PPP2R2B: variants seen among roughly 807,000 people sequenced by gnomAD.
PPP2R2B encodes protein phosphatase 2 regulatory subunit Bbeta, also known as serine/threonine-protein phosphatase 2A 55 kDa regulatory subunit B beta isoform.
In PPP2R2B, 5 loss-of-function variants were observed where a neutral mutation model predicts 46.0. The ratio of observed to expected loss-of-function variants is 0.11; its 90% CI spans 0.06 to 0.23. The LOEUF (loss-of-function observed/expected upper bound fraction) is 0.23. Among genes scored for constraint, PPP2R2B ranks in the 10% least tolerant of loss-of-function variants. PPP2R2B has a pLI of 1.00. For synonymous variants in PPP2R2B, 215 were observed against 206.7 expected, an observed-to-expected ratio of 1.04 and a Z score of -0.34; for missense variants, 367 against 575.0, an observed-to-expected ratio of 0.64 and a Z score of 3.70.
intron 1 of PPP2R2B, among the ~76,000 whole-genome samples, chr5:146,965,711 T>C (rs115566780): frequency 0.013 from 1,969 of 152,338 alleles, 50 homozygotes; most frequent in African/African-American, 0.046. Context: ...AGTACAAATA[T>C]AATGCCCTAA....
chr5:146,872,474 C>T (rs902183994), intron 2 of PPP2R2B, among the ~76,000 whole-genome samples: 1 of 152,154 alleles, frequency 6.6e-6, no homozygotes, highest in African/African-American at 2.4e-5. Flanking sequence ...TGACACTACC[C>T]CCTTTTATTT....
At chr5:146,609,118 C>T (rs1772589961) in intron 7 of PPP2R2B, among the ~76,000 whole-genome samples, 1 of 152,024 alleles carries the variant, frequency 6.6e-6, no homozygotes, top group African/African-American at 2.4e-5. Context: ...GACAGTTCAC[C>T]ATACGAAAAT....
intron 1 of PPP2R2B, among the ~76,000 whole-genome samples, chr5:147,001,999 C>T (rs886997015): frequency 3.3e-5 from 5 of 152,100 alleles, no homozygotes; most frequent in South Asian, 2.1e-4. Flanking sequence ...AAAGTCATGT[C>T]GCCCAAGTGA....
chr5:146,695,126 G>A (rs1779101470), intron 4 of PPP2R2B, among the ~76,000 whole-genome samples: 1 of 151,998 alleles, frequency 6.6e-6, no homozygotes, highest in African/African-American at 2.4e-5. Flanking sequence ...ATTATTAAGT[G>A]TTATATTAAT....
At chr5:146,910,880 C>T (rs1193680730) in intron 1 of PPP2R2B, among the ~76,000 whole-genome samples, 2 of 152,142 alleles carry the variant, frequency 1.3e-5, no homozygotes, top group African/African-American at 4.8e-5. Flanking sequence ...CTAAAGCTCT[C>T]CCTGAATATC....
At chr5:146,716,528 A>G (rs1407515188) in intron 2 of PPP2R2B, among the ~76,000 whole-genome samples, 1 of 152,230 alleles carries the variant, frequency 6.6e-6, no homozygotes. Context: ...AATAAAAGCT[A>G]TAAATCCTTT....
intron 2 of PPP2R2B, among the ~76,000 whole-genome samples, chr5:146,815,345 T>A (rs1446245283): frequency 6.6e-6 from 1 of 152,252 alleles, no homozygotes; most frequent in Non-Finnish European, 1.5e-5. Context: ...TCAACACTCC[T>A]GCACACACTT....
intron 5 of PPP2R2B, among the ~76,000 whole-genome samples, chr5:146,662,523 G>C (rs1048433337): frequency 6.6e-6 from 1 of 152,102 alleles, no homozygotes; most frequent in Non-Finnish European, 1.5e-5. Context: ...CTTCTGCCAT[G>C]GGGTGATGTT....
intron 7 of PPP2R2B, among the ~76,000 whole-genome samples, chr5:146,613,839 G>T (rs1356285558): frequency 7.0e-6 from 1 of 141,976 alleles, no homozygotes. Flanking sequence ...CACTGCTCAA[G>T]GAAATAAAAG....
At chr5:146,924,510 G>A (rs1054554677) in intron 1 of PPP2R2B, among the ~76,000 whole-genome samples, 1 of 152,078 alleles carries the variant, frequency 6.6e-6, no homozygotes, top group Non-Finnish European at 1.5e-5. Context: ...AGGACAACAG[G>A]AGTCACCAAA....
intron 2 of PPP2R2B, among the ~76,000 whole-genome samples, chr5:147,067,152 A>G (rs953639545): frequency 1.3e-5 from 2 of 152,298 alleles, no homozygotes; most frequent in South Asian, 2.1e-4. Flanking sequence ...TAACATACAC[A>G]TTATCTTACA....
chr5:147,007,128 C>A (rs1298658222), intron 1 of PPP2R2B, among the ~76,000 whole-genome samples: 2 of 152,136 alleles, frequency 1.3e-5, no homozygotes, highest in African/African-American at 4.8e-5. Flanking sequence ...ACTGAGGACC[C>A]CTGGACTGAC....
chr5:146,860,626 A>G (rs1303474668), intron 2 of PPP2R2B, among the ~76,000 whole-genome samples: 1 of 152,178 alleles, frequency 6.6e-6, no homozygotes, highest in Non-Finnish European at 1.5e-5. Flanking sequence ...CTGACTAAAC[A>G]TTTTAAAACT....
At chr5:146,920,651 T>G (rs148980673) in intron 1 of PPP2R2B, among the ~76,000 whole-genome samples, 1 of 152,266 alleles carries the variant, frequency 6.6e-6, no homozygotes, top group East Asian at 1.9e-4. Context: ...GGTACGTGTG[T>G]ACATGGAAGG....
chr5:146,859,945 G>T (rs1032349975), intron 2 of PPP2R2B, among the ~76,000 whole-genome samples: 1 of 152,186 alleles, frequency 6.6e-6, no homozygotes, highest in Non-Finnish European at 1.5e-5. Context: ...TTACCTTGGA[G>T]AGATGAAGAA....
chr5:146,993,901 T>C (rs2151864006), intron 1 of PPP2R2B, among the ~76,000 whole-genome samples: 1 of 152,214 alleles, frequency 6.6e-6, no homozygotes, highest in Admixed American at 6.5e-5. Context: ...TCTCTAAGGA[T>C]CCAGAATTGC....
rs140851928 is a variant in PPP2R2B, at chr5:147,017,395, T to C, written c.79+38270A>G. On this transcript the variant is annotated intron_variant, in intron 1 of 8. Transcript: ENST00000336640. ...CACACTGGAACGTCTGTGCTTAGCA[T>C]CTTAACCTTAGGGGAGGGAGAGATT... Among the ~76,000 whole-genome samples, 992 of 151,644 alleles carry C rather than the reference T, an allele frequency of 6.5e-3. 13 individuals carry two copies. The highest frequency in any genetic ancestry group is 0.023 in the African/African-American group (948 of 41,540).
Position 146,698,200 on chromosome 5 carries a change from A to G in PPP2R2B, c.169-56T>C, listed in dbSNP as rs1185448866. Reference sequence around the variant, plus strand: ...TTAAATCACAGTAGCCAACTGTAAAACTCGCCAACTCCCTTTTTTTTCCAG... The same window carrying G: ...TTAAATCACAGTAGCCAACTGTAAAGCTCGCCAACTCCCTTTTTTTTCCAG... On this transcript the variant is annotated intron_variant, in intron 3 of 9. Coordinates refer to ENST00000394411, the MANE Select transcript of PPP2R2B (RefSeq NM_181675.4). 8 of 1,441,014 alleles carry G rather than the reference A, an allele frequency of 5.6e-6. No homozygotes were observed. In the Admixed American group the frequency reaches 1.9e-4, roughly 35 times the overall value. The allele number at this position is 1,441,014 out of a possible 1,614,324, so 89.3% of individuals were successfully genotyped here. A position where few individuals can be genotyped will look rare whatever the true frequency, so the allele number is the denominator to read the frequency against.
In PPP2R2B at chr5:146,599,846, C is replaced by T. The variant is rs111437635; in HGVS notation, c.960+445G>A. Among the ~76,000 whole-genome samples, 1,022 of 152,228 alleles carry T rather than the reference C, an allele frequency of 6.7e-3. 7 individuals carry two copies. The highest frequency in any genetic ancestry group is 0.023 in the African/African-American group (969 of 41,554). The stretch of plus-strand genomic sequence containing the variant: ...CCGGTGTATGATGTTCCCCTTCCTG[C>T]GTCCATGTGAACACACTATTTTAAG... On this transcript the variant is annotated intron_variant, in intron 8 of 9. Coordinates refer to ENST00000394411, the MANE Select transcript of PPP2R2B (RefSeq NM_181675.4).
Sources: allele counts gnomAD v4.1 joint callset (sites outside exome capture counted in the v4.1 genomes callset), GRCh38; gene constraint gnomAD v4.1.1; transcripts MANE v1.5; gene names NCBI Gene and HGNC (gene_info 2026-07-23, HGNC 2026-07-21).